The following IST1 variants were observed in gnomAD, a reference collection of about 807,000 sequenced individuals.
IST1 encodes IST1 factor associated with ESCRT-III.
In IST1, 23 loss-of-function variants were observed where a neutral mutation model predicts 37.0. That is an observed-to-expected ratio of 0.62 (90% CI 0.45 to 0.88). IST1 has a LOEUF of 0.88. IST1 is among the 40% of genes least tolerant of loss of function. The probability of loss-of-function intolerance (pLI) is 0.00; values close to 1 mark genes in which losing one functional copy is unlikely to be tolerated. For missense variants in IST1, 488 were observed against 445.4 expected, an observed-to-expected ratio of 1.10 and a Z score of -0.86; for synonymous variants, 180 against 161.7, an observed-to-expected ratio of 1.11 and a Z score of -0.86.
intron 1 of IST1, among the ~76,000 whole-genome samples, chr16:71,908,861 A>G (rs1006577274): frequency 6.6e-6 from 1 of 152,054 alleles, no homozygotes; most frequent in African/African-American, 2.4e-5. Context: ...GGTACTTCAA[A>G]TTGTGGTCTT....
At chr16:71,908,014 A>C (rs1478123778) in intron 1 of IST1, among the ~76,000 whole-genome samples, 2 of 151,906 alleles carry the variant, frequency 1.3e-5, no homozygotes, top group African/African-American at 4.8e-5. Context: ...GTGTGATCTC[A>C]GTCCACTTCA....
intron 1 of IST1, among the ~76,000 whole-genome samples, chr16:71,902,930 T>G (rs1040496330): frequency 6.6e-6 from 1 of 152,176 alleles, no homozygotes; most frequent in African/African-American, 2.4e-5. Flanking sequence ...TTTTGCTTAC[T>G]TTGGTTTGAT....
chr16:71,927,606 C>T lies in IST1; in HGVS notation c.902-8C>T. Reference sequence around the variant, plus strand: ...TATTTGTAACGTTGTGCTCCTTGCCCTAATTAGGTCCTGGACCCAAGCCAG... The same window carrying T: ...TATTTGTAACGTTGTGCTCCTTGCCTTAATTAGGTCCTGGACCCAAGCCAG... On this transcript the variant is annotated splice_region_variant and splice_polypyrimidine_tract_variant and intron_variant, in intron 9 of 9. Coordinates refer to ENST00000378799, the MANE Select transcript of IST1 (RefSeq NM_001270975.2). The T allele has an allele frequency of 6.2e-7, 1 of 1,607,160 alleles. No homozygotes were observed. The highest frequency in any genetic ancestry group is 8.5e-7 in the Non-Finnish European group (1 of 1,173,816).
chr16:71,901,671 A>G (rs2037112060), intron 1 of IST1, among the ~76,000 whole-genome samples: 1 of 152,180 alleles, frequency 6.6e-6, no homozygotes. Context: ...GAGTTGAAAA[A>G]TCCTCAGTAC....
Position 71,930,162 on chromosome 16 carries a change from G to C in IST1, c.*2349G>C, listed in dbSNP as rs1410451094. 5.8e-6 allele frequency: 9 copies of C among 1,549,212 alleles called. No individual in the cohort carries two copies. The Admixed American group carries it at 1.8e-4, about 31-fold the overall frequency. On this transcript the variant is annotated 3_prime_UTR_variant, in exon 10 of 10. Transcript: ENST00000378799. ...CTGGTGAGGATCAGAAAGGTGCCCA[G>C]GACTGGGTCTAAAGCGAAAACCTGG...
intron 9 of IST1, among the ~76,000 whole-genome samples, chr16:71,927,281 T>G (rs1461605062): frequency 1.3e-5 from 2 of 152,030 alleles, no homozygotes; most frequent in African/African-American, 2.4e-5. Context: ...TGTGGATCAC[T>G]TGAGATCAGA....
At position 71,930,075 on chromosome 16, in the gene IST1, CA is replaced by C. The variant is rs1179326737; in HGVS notation, c.*2265del. On this transcript the variant is annotated 3_prime_UTR_variant, in exon 10 of 10. Coordinates refer to ENST00000378799, the MANE Select transcript of IST1 (RefSeq NM_001270975.2). The stretch of plus-strand genomic sequence containing the variant: ...ACCTTAAGCGACTTTCTTTCTTTTC[CA>C]AAGGCCATGAGAATGGCCGAAACGA... 22 of 1,549,230 alleles carry C rather than the reference CA, an allele frequency of 1.4e-5. No homozygotes were observed. The highest frequency in any genetic ancestry group is 1.8e-5 in the Non-Finnish European group (21 of 1,145,930).
At position 71,928,111 on chromosome 16, in the gene IST1, A is replaced by G. The variant is rs1173529839; in HGVS notation, c.*298A>G. 1 of 381,058 alleles carries G rather than the reference A, an allele frequency of 2.6e-6. No homozygotes were observed. The highest frequency in any genetic ancestry group is 5.0e-6 in the Non-Finnish European group (1 of 201,706). 23.6% of individuals were successfully genotyped at this position (381,058 alleles called of 1,614,324 possible). On this transcript the variant is annotated 3_prime_UTR_variant, in exon 10 of 10. Coordinates refer to ENST00000378799, the MANE Select transcript of IST1 (RefSeq NM_001270975.2). ...GCCCGTCCCATGGTCCCTCCACAGG[A>G]GTGTGAGAGGATGGGGGAAGCACTG...
At chr16:71,902,103 C>T (rs936749878) in intron 1 of IST1, among the ~76,000 whole-genome samples, 12 of 152,276 alleles carry the variant, frequency 7.9e-5, no homozygotes, top group African/African-American at 2.6e-4. Flanking sequence ...GTACATATAA[C>T]ACAATGTGCT....
chr16:71,915,777 A>T (rs773842034), intron 2 of IST1, 49 bp downstream of exon 2: 1 of 1,157,294 alleles, frequency 8.6e-7, no homozygotes, highest in South Asian at 1.3e-5. Flanking sequence ...GGATACTAGC[A>T]CCCCAGTAAT....
chr16:71,926,583 T>C (rs1880339961), intron 9 of IST1, among the ~76,000 whole-genome samples: 1 of 151,990 alleles, frequency 6.6e-6, no homozygotes, highest in South Asian at 2.1e-4. Flanking sequence ...CCTGACCTTG[T>C]GATCTGCCCA....
chr16:71,895,069 A>G (rs932444985), upstream of IST1: 2 of 443,584 alleles, frequency 4.5e-6, no homozygotes, highest in Admixed American at 8.0e-5. Context: ...AGGGATACGC[A>G]GGCTTCGAAA....
intron 1 of IST1, among the ~76,000 whole-genome samples, chr16:71,907,067 A>G (rs896330968): frequency 2.0e-5 from 3 of 152,118 alleles, no homozygotes; most frequent in African/African-American, 4.8e-5. Flanking sequence ...CAGTTTGATT[A>G]TGAGTCTGGA....
chr16:71,928,814 A>C lies in IST1; in HGVS notation c.*1001A>C, dbSNP rs1186801324. 1 of 152,202 alleles carries C rather than the reference A, an allele frequency of 6.6e-6. No individual in the cohort carries two copies. Among genetic ancestry groups the C allele is most frequent in the African/African-American group, 2.4e-5 (1 of 41,446 alleles). The allele number at this position is 152,202 out of a possible 1,614,324, so 9.4% of individuals were successfully genotyped here. A position where few individuals can be genotyped will look rare whatever the true frequency, so the allele number is the denominator to read the frequency against. ...GGATGGATGGGACTCTTATGTCATA[A>C]CTTCTGTTACTCCTTTGGCCCATAG... On this transcript the variant is annotated 3_prime_UTR_variant, in exon 10 of 10. Coordinates refer to ENST00000378799, the MANE Select transcript of IST1 (RefSeq NM_001270975.2).
At chr16:71,912,877 C>A (rs1384952066) in intron 1 of IST1, among the ~76,000 whole-genome samples, 1 of 152,208 alleles carries the variant, frequency 6.6e-6, no homozygotes, top group Non-Finnish European at 1.5e-5. Context: ...GCTTATTTCA[C>A]TTACCATGAT....
At chr16:71,925,478 G>T (rs1436161105) in intron 9 of IST1, among the ~76,000 whole-genome samples, 1 of 151,202 alleles carries the variant, frequency 6.6e-6, no homozygotes, top group Admixed American at 6.6e-5. Flanking sequence ...ACCACGCCCA[G>T]CTAATTTTTG....
intron 1 of IST1, among the ~76,000 whole-genome samples, chr16:71,908,323 A>T (rs1475139842): frequency 1.6e-5 from 1 of 62,412 alleles, no homozygotes. Flanking sequence ...TTTTTTGGAG[A>T]CAGTCTTGCT....
chr16:71,923,286 A>G lies in IST1; in HGVS notation c.760-2A>G. 1.9e-6 allele frequency: 3 copies of G among 1,599,650 alleles called. No individual in the cohort carries two copies. The highest frequency in any genetic ancestry group is 2.6e-6 in the Non-Finnish European group (3 of 1,168,316). On this transcript the variant is annotated splice_acceptor_variant, in intron 7 of 9. Coordinates refer to ENST00000378799, the MANE Select transcript of IST1 (RefSeq NM_001270975.2). LOFTEE classifies it high-confidence loss of function. ...TCTGATGTTGCCTTTCTCCTCTTAC[A>G]GTCAGATTTCAATGGACTGCCAATG... is the stretch of plus-strand genomic sequence containing the variant.
chr16:71,896,727 C>T (rs1214744440), intron 1 of IST1, among the ~76,000 whole-genome samples: 2 of 152,062 alleles, frequency 1.3e-5, no homozygotes, highest in East Asian at 3.9e-4. Context: ...CCCCTGTAAT[C>T]CCAGTACTTG....
Sources: allele counts gnomAD v4.1 joint callset (sites outside exome capture counted in the v4.1 genomes callset), GRCh38; gene constraint gnomAD v4.1.1; transcripts MANE v1.5; gene names NCBI Gene and HGNC (gene_info 2026-07-23, HGNC 2026-07-21).